The following IFNLR1 variants were observed in gnomAD, a reference collection of about 807,000 sequenced individuals.
The protein encoded by IFNLR1 is CRF2-12.
A neutral mutation model predicts 52.5 loss-of-function variants in IFNLR1; 28 were observed. The ratio of observed to expected loss-of-function variants is 0.53; its 90% CI spans 0.40 to 0.73. The LOEUF (loss-of-function observed/expected upper bound fraction) is 0.73, where lower values mean the gene tolerates loss of function less well. Ranked by LOEUF, IFNLR1 falls within the 30% of genes least tolerant of loss-of-function variation. The pLI is 0.00. For missense variants in IFNLR1, 623 were observed against 659.1 expected, an observed-to-expected ratio of 0.95 and a Z score of 0.60; for synonymous variants, 276 against 274.9, an observed-to-expected ratio of 1.00 and a Z score of -0.04.
At chr1:24,171,911 C>T (rs1364115414) in intron 2 of IFNLR1, among the ~76,000 whole-genome samples, 1 of 152,048 alleles carries the variant, frequency 6.6e-6, no homozygotes, top group East Asian at 1.9e-4. Context: ...CTGCCTTGGC[C>T]TCCCAAAGTG....
Position 24,183,255 on chromosome 1 carries a change from A to G in IFNLR1, c.59-2401T>C, listed in dbSNP as rs575476731. Among the ~76,000 whole-genome samples the G allele has an allele frequency of 3.9e-5, 6 of 152,212 alleles. No individual in the cohort carries two copies. The East Asian group carries it at 9.7e-4, about 25-fold the overall frequency. ...GATTTACAGAAGAGCTTTATGGTAG[A>G]AACACCAGAAAACACCTCATACTAT... is the stretch of plus-strand genomic sequence containing the variant. On this transcript the variant is annotated intron_variant, in intron 1 of 6. Transcript: ENST00000327535.
intron 1 of IFNLR1, among the ~76,000 whole-genome samples, chr1:24,182,133 G>A (rs1482950880): frequency 2.0e-5 from 3 of 151,488 alleles, no homozygotes; most frequent in Non-Finnish European, 2.9e-5. Context: ...CCAGGAGGAC[G>A]AGGTTGCAGT....
chr1:24,185,231 C>T (rs1361177233), intron 1 of IFNLR1, among the ~76,000 whole-genome samples: 1 of 152,096 alleles, frequency 6.6e-6, no homozygotes, highest in Non-Finnish European at 1.5e-5. Context: ...CAGATTCAGT[C>T]CAGGCCTAGC....
At position 24,159,645 on chromosome 1, in the gene IFNLR1, A is replaced by C; in HGVS notation, c.511-12T>G. ...ACTGGAAATAGGGTCTGTTTGGAAAAGAAGCAGAGAGTGGCAGAGCTGCTG... is the reference window on the plus strand; with the variant it reads ...ACTGGAAATAGGGTCTGTTTGGAAACGAAGCAGAGAGTGGCAGAGCTGCTG... On this transcript the variant is annotated splice_polypyrimidine_tract_variant and intron_variant, in intron 4 of 6. Coordinates refer to ENST00000327535, the MANE Select transcript of IFNLR1 (RefSeq NM_170743.4). The C allele has an allele frequency of 6.2e-7, 1 of 1,613,496 alleles. No individual in the cohort carries two copies. The highest frequency in any genetic ancestry group is 1.1e-5 in the South Asian group (1 of 91,024).
chr1:24,176,385 G>A (rs371527461), intron 2 of IFNLR1, among the ~76,000 whole-genome samples: 2 of 152,226 alleles, frequency 1.3e-5, no homozygotes, highest in Non-Finnish European at 2.9e-5. Context: ...GATAGAGAAC[G>A]TCTTACATCT....
chr1:24,158,491 T>C (rs1644405972), intron 6 of IFNLR1, among the ~76,000 whole-genome samples: 1 of 152,172 alleles, frequency 6.6e-6, no homozygotes, highest in Admixed American at 6.5e-5. Context: ...GAATCCATCC[T>C]CAAAGCCCCC....
In IFNLR1 at chr1:24,167,400, T is replaced by C. The variant is rs112094260; in HGVS notation, c.367+2017A>G. On this transcript the variant is annotated intron_variant, in intron 3 of 6. Coordinates refer to ENST00000327535, the MANE Select transcript of IFNLR1 (RefSeq NM_170743.4). ...CTCCTCTTATTATAAATTTTTTTTT[T>C]TTGAGACAAAGTCTTGCTCTGTCAC... Among the ~76,000 whole-genome samples, 75 of 152,172 alleles carry C rather than the reference T, an allele frequency of 4.9e-4. 1 individual carries two copies. The highest frequency in any genetic ancestry group is 9.7e-4 in the Non-Finnish European group (66 of 68,034).
intron 3 of IFNLR1, among the ~76,000 whole-genome samples, chr1:24,162,819 C>CT (rs1365693722): frequency 0.027 from 1,181 of 43,534 alleles, 93 homozygotes; most frequent in East Asian, 0.067. Flanking sequence ...TTCTTTTTTT[C>CT]TTCTTTCTTT....
rs1305188748 is a variant in IFNLR1, at chr1:24,159,732, T to TTTTTTTGTTTTTTTTG, written c.511-100_511-99insCAAAAAAAACAAAAAA. 139 of 1,041,570 alleles carry TTTTTTTGTTTTTTTTG rather than the reference T, an allele frequency of 1.3e-4. 1 individual carries two copies. In the African/African-American group the frequency reaches 2.2e-3, roughly 16 times the overall value. The allele number at this position is 1,041,570 out of a possible 1,614,324, so 64.5% of individuals were successfully genotyped here. On this transcript the variant is annotated intron_variant, in intron 4 of 6. Transcript: ENST00000327535. ...TTGGCAGACATGGTAGGGTGTTTTTTTTTTGTTTTTTTTTTTTGTTTTTTT... is the reference window on the plus strand; with the variant it reads ...TTGGCAGACATGGTAGGGTGTTTTTTTTTTTTGTTTTTTTTGTTTTGTTTTTTTTTTTTGTTTTTTT...
intron 1 of IFNLR1, among the ~76,000 whole-genome samples, chr1:24,186,729 G>A (rs1473006024): frequency 6.6e-6 from 1 of 152,078 alleles, no homozygotes; most frequent in Non-Finnish European, 1.5e-5. Flanking sequence ...AAAGAAAGCC[G>A]TCTTGTTAGA....
At chr1:24,161,738 ATCCCCC>A in intron 3 of IFNLR1, 54 bp from the exon 4 acceptor site, 1 of 1,441,108 alleles carries the variant, frequency 6.9e-7, no homozygotes, top group South Asian at 1.5e-5. Context: ...CACTGCCTCC[ATCCCCC>A]AAGACCAGAG....
intron 1 of IFNLR1, among the ~76,000 whole-genome samples, chr1:24,186,313 C>T (rs982133419): frequency 1.3e-5 from 2 of 152,102 alleles, no homozygotes; most frequent in African/African-American, 2.4e-5. Context: ...TCACCTCTGC[C>T]ATCCTTCTTG....
Position 24,180,814 on chromosome 1 carries a change from G to A in IFNLR1, c.99C>T (p.Leu33=). The A allele has an allele frequency of 6.2e-7, 1 of 1,613,952 alleles. No homozygotes were observed. The highest frequency in any genetic ancestry group is 8.5e-7 in the Non-Finnish European group (1 of 1,179,872). ...RLAPPQNVTL[L]SQNFSVYLTW... Reference sequence around the variant, plus strand: ...TCAGGTACACGCTGAAGTTCTGGGAGAGCAGCGTCACATTCTGGGGAGGGG... The same window carrying A: ...TCAGGTACACGCTGAAGTTCTGGGAAAGCAGCGTCACATTCTGGGGAGGGG... The change falls in exon 2 of 7, where the codon CTC becomes CTT. Residue 33 remains leucine, a synonymous_variant. Transcript: ENST00000327535.
intron 3 of IFNLR1, among the ~76,000 whole-genome samples, chr1:24,166,621 A>G (rs979149145): frequency 6.6e-6 from 1 of 152,078 alleles, no homozygotes; most frequent in African/African-American, 2.4e-5. Flanking sequence ...ATCATGGCTC[A>G]CTGCAGCCTT....
chr1:24,162,938 C>CTT (rs1553162263), intron 3 of IFNLR1, among the ~76,000 whole-genome samples: 1 of 80,638 alleles, frequency 1.2e-5, no homozygotes, highest in African/African-American at 5.2e-5. Flanking sequence ...TTCTTTCTTT[C>CTT]TCTTTCTTTC....
At chr1:24,166,348 C>A (rs1644519788) in intron 3 of IFNLR1, among the ~76,000 whole-genome samples, 1 of 152,068 alleles carries the variant, frequency 6.6e-6, no homozygotes, top group African/African-American at 2.4e-5. Context: ...CCTACTCATC[C>A]ATTCTTCCCA....
chr1:24,176,137 G>A (rs1644630810), intron 2 of IFNLR1, among the ~76,000 whole-genome samples: 1 of 152,080 alleles, frequency 6.6e-6, no homozygotes. Context: ...TCATACAATG[G>A]CATTACTACT....
At chr1:24,172,176 A>C (rs1644587785) in intron 2 of IFNLR1, among the ~76,000 whole-genome samples, 1 of 152,230 alleles carries the variant, frequency 6.6e-6, no homozygotes, top group African/African-American at 2.4e-5. Flanking sequence ...CTGAAAGTGA[A>C]TGATCACCAA....
intron 2 of IFNLR1, among the ~76,000 whole-genome samples, chr1:24,171,500 A>AT (rs1396655490): frequency 6.6e-6 from 1 of 152,130 alleles, no homozygotes; most frequent in African/African-American, 2.4e-5. Context: ...AAAAATATAT[A>AT]TTTTTTGAGA....
Sources: gnomAD v4.1 joint callset for allele counts (sites outside exome capture counted in the v4.1 genomes callset) on GRCh38, gnomAD v4.1.1 for gene constraint, MANE v1.5 for transcripts, NCBI Gene and HGNC (gene_info 2026-07-23, HGNC 2026-07-21) for gene names.